TGS1: variants seen among roughly 807,000 people sequenced by gnomAD.
TGS1 encodes trimethylguanosine synthase.
In TGS1, 69 loss-of-function variants were observed where a neutral mutation model predicts 92.2. That is an observed-to-expected ratio of 0.75 (90% CI 0.62 to 0.91). The LOEUF is 0.91. TGS1 is among the 40% of genes least tolerant of loss of function. TGS1 has a pLI of 0.00. For missense variants in TGS1, 1,062 were observed against 1,001.2 expected (o/e 1.06, Z -0.82); for synonymous variants, 345 against 338.1 (o/e 1.02, Z -0.22).
intron 12 of TGS1, among the ~76,000 whole-genome samples, chr8:55,822,198 T>C (rs984544582): frequency 3.3e-5 from 5 of 151,742 alleles, no homozygotes; most frequent in Non-Finnish European, 5.9e-5. Context: ...GCCTCCCGAA[T>C]AGCTGGGACT....
chr8:55,781,789 T>C (rs1204611756), intron 1 of TGS1, among the ~76,000 whole-genome samples: 1 of 152,248 alleles, frequency 6.6e-6, no homozygotes. Flanking sequence ...TAGTTAAATT[T>C]ATTGTAGCTC....
intron 1 of TGS1, among the ~76,000 whole-genome samples, chr8:55,777,121 C>T (rs1811422719): frequency 1.3e-5 from 2 of 151,918 alleles, no homozygotes; most frequent in African/African-American, 4.8e-5. Context: ...AATCCTCCTA[C>T]CTTAGCCTCC....
intron 5 of TGS1, among the ~76,000 whole-genome samples, chr8:55,791,020 A>C (rs1811869352): frequency 6.6e-6 from 1 of 152,126 alleles, no homozygotes; most frequent in African/African-American, 2.4e-5. Flanking sequence ...AAGTCTGGAT[A>C]TATTTTATCC....
At chr8:55,802,650 C>G (rs1812251991) in intron 9 of TGS1, 44 bp downstream of exon 9, 1 of 1,543,962 alleles carries the variant, frequency 6.5e-7, no homozygotes, top group African/African-American at 1.4e-5. Context: ...GAAACCACTT[C>G]AAACTTAAAA....
At chr8:55,776,087 C>G (rs779318285) in intron 1 of TGS1, among the ~76,000 whole-genome samples, 8 of 152,054 alleles carry the variant, frequency 5.3e-5, no homozygotes, top group Non-Finnish European at 1.2e-4. Context: ...CCAGGAGCAT[C>G]GGCAAGACTC....
intron 9 of TGS1, among the ~76,000 whole-genome samples, chr8:55,803,218 T>C (rs1166049242): frequency 6.6e-6 from 1 of 152,096 alleles, no homozygotes; most frequent in Admixed American, 6.6e-5. Context: ...GCAAAAGCAA[T>C]TGATAAATTA....
intron 12 of TGS1, among the ~76,000 whole-genome samples, chr8:55,814,028 G>A (rs1019592440): frequency 6.6e-6 from 1 of 152,068 alleles, no homozygotes; most frequent in African/African-American, 2.4e-5. Context: ...GCTCACTGCA[G>A]CCTCAACTAA....
At chr8:55,801,213 A>G (rs1366494091) in intron 8 of TGS1, among the ~76,000 whole-genome samples, 1 of 152,204 alleles carries the variant, frequency 6.6e-6, no homozygotes. Context: ...CAGTATTTCT[A>G]CATATGTCCT....
At chr8:55,824,535 A>G in intron 12 of TGS1, 46 bp from the exon 13 acceptor site, 1 of 1,607,564 alleles carries the variant, frequency 6.2e-7, no homozygotes, top group Non-Finnish European at 8.5e-7. Flanking sequence ...GACTTTTGAA[A>G]TTATGCTTAG....
intron 12 of TGS1, among the ~76,000 whole-genome samples, chr8:55,816,346 T>C (rs1267307780): frequency 6.6e-6 from 1 of 152,178 alleles, no homozygotes; most frequent in African/African-American, 2.4e-5. Flanking sequence ...GCAGCAATTA[T>C]CAAACACCAC....
chr8:55,793,184 A>AT (rs1811931430), intron 6 of TGS1, among the ~76,000 whole-genome samples: 1 of 152,238 alleles, frequency 6.6e-6, no homozygotes, highest in Non-Finnish European at 1.5e-5. Context: ...CTCTTTTTCT[A>AT]TTATGAAAGA....
At chr8:55,809,260 G>A (rs1803275545) in intron 10 of TGS1, among the ~76,000 whole-genome samples, 1 of 152,178 alleles carries the variant, frequency 6.6e-6, no homozygotes, top group Non-Finnish European at 1.5e-5. Flanking sequence ...TTTGCATATT[G>A]CTGTTGTTAA....
At position 55,787,004 on chromosome 8, in the gene TGS1, G is replaced by A. The variant is rs369461578; in HGVS notation, c.1106G>A (p.Gly369Glu). The stretch of plus-strand genomic sequence containing the variant: ...GGCCAAAGTGAACCACGTAATGGAG[G>A]AACCAATGAGGAAAGCAACTCATCG... ...ASGQSEPRNG[G>E]TNEESNSSGN... The change falls in exon 4 of 13, where the codon GGA becomes GAA. Residue 369 changes from glycine to glutamate, a missense_variant. Gly to Glu is a moderately conservative substitution (Grantham distance 98). Transcript: ENST00000260129. 5.0e-6 allele frequency: 8 copies of A among 1,613,880 alleles called. No individual in the cohort carries two copies. The African/African-American group carries it at 1.1e-4, about 22-fold the overall frequency.
chr8:55,826,066 G>A lies in TGS1; in HGVS notation c.*1363G>A, dbSNP rs1019677573. On this transcript the variant is annotated 3_prime_UTR_variant, in exon 13 of 13. Coordinates refer to ENST00000260129, the MANE Select transcript of TGS1 (RefSeq NM_024831.8). ...GGGGTTTCACCGTGTTAGCCAGGAT[G>A]GTCTCGATCTCCTGACCTTGTGATC... 6.6e-6 allele frequency among the ~76,000 whole-genome samples: 1 copy of A among 151,766 alleles called. No individual in the cohort carries two copies. Among genetic ancestry groups the A allele is most frequent in the African/African-American group, 2.4e-5 (1 of 41,244 alleles).
intron 12 of TGS1, among the ~76,000 whole-genome samples, chr8:55,818,496 A>G (rs1803544795): frequency 6.6e-6 from 1 of 152,228 alleles, no homozygotes; most frequent in Non-Finnish European, 1.5e-5. Flanking sequence ...TCAGTGCTTA[A>G]TCATACACTG....
Position 55,804,997 on chromosome 8 carries a change from G to A in TGS1, c.2104G>A (p.Gly702Arg), listed in dbSNP as rs780391162. 3 of 1,613,788 alleles carry A rather than the reference G, an allele frequency of 1.9e-6. No homozygotes were observed. Among genetic ancestry groups the A allele is most frequent in the East Asian group, 4.5e-5 (2 of 44,886 alleles). The change falls in exon 10 of 13, where the codon GGA becomes AGA. Residue 702 changes from glycine to arginine, a missense_variant. Transcript: ENST00000260129. ...TGTAGTAGACGCATTCTGTGGAGTT[G>A]GAGGAAATACCATTCAGTTTGCCTT... The part of the protein sequence containing the change: ...DVVVDAFCGV[G>R]GNTIQFALTG...
At chr8:55,797,532 C>T (rs1271221704) in intron 7 of TGS1, among the ~76,000 whole-genome samples, 1 of 152,192 alleles carries the variant, frequency 6.6e-6, no homozygotes, top group Non-Finnish European at 1.5e-5. Flanking sequence ...TCACAGTTTA[C>T]ACCTTGTAAC....
chr8:55,784,235 A>G (rs1318938184), intron 2 of TGS1, among the ~76,000 whole-genome samples: 1 of 152,214 alleles, frequency 6.6e-6, no homozygotes, highest in Non-Finnish European at 1.5e-5. Context: ...TTAATGGTAT[A>G]ATTACTATTA....
At chr8:55,814,677 ATATATAT>A (rs1803428413) in intron 12 of TGS1, among the ~76,000 whole-genome samples, 1 of 104,902 alleles carries the variant, frequency 9.5e-6, no homozygotes, top group Non-Finnish European at 1.9e-5. Context: ...AAAAAAAAAT[ATATATAT>A]ATATATATAT....
Sources: allele counts gnomAD v4.1 joint callset (sites outside exome capture counted in the v4.1 genomes callset), GRCh38; gene constraint gnomAD v4.1.1; transcripts MANE v1.5; gene names NCBI Gene and HGNC (gene_info 2026-07-23, HGNC 2026-07-21).